DUSP12: variants seen among roughly 807,000 people sequenced by gnomAD.
DUSP12 encodes dual specificity phosphatase 12, also known as dual specificity protein phosphatase 12.
A neutral mutation model predicts 38.9 loss-of-function variants in DUSP12; 25 were observed. The ratio of observed to expected loss-of-function variants is 0.64; its 90% CI spans 0.47 to 0.90. DUSP12 has a LOEUF of 0.90. DUSP12 is among the 40% of genes least tolerant of loss of function. The pLI is 0.00. For missense variants in DUSP12, 403 were observed against 427.0 expected, an observed-to-expected ratio of 0.94 and a Z score of 0.50; for synonymous variants, 153 against 153.9, an observed-to-expected ratio of 0.99 and a Z score of 0.05.
Position 161,757,000 on chromosome 1 carries a change from T to C in DUSP12, c.*53T>C. On this transcript the variant is annotated 3_prime_UTR_variant, in exon 6 of 6. Coordinates refer to ENST00000367943, the MANE Select transcript of DUSP12 (RefSeq NM_007240.3). ...ACTTGCAGATGATATGTGCTGCCTT[T>C]GCTTCTTATCATTCATGGCAGATTG... 1 of 1,521,670 alleles carries C rather than the reference T, an allele frequency of 6.6e-7. No homozygotes were observed. The highest frequency in any genetic ancestry group is 8.9e-7 in the Non-Finnish European group (1 of 1,117,936). 94.3% of individuals were successfully genotyped at this position (1,521,670 alleles called of 1,614,324 possible). A position where few individuals can be genotyped will look rare whatever the true frequency, so the allele number is the denominator to read the frequency against.
intron 4 of DUSP12, among the ~76,000 whole-genome samples, chr1:161,752,691 A>C (rs1178143944): frequency 6.6e-6 from 1 of 152,178 alleles, no homozygotes; most frequent in Non-Finnish European, 1.5e-5. Flanking sequence ...TTGTTCTCTA[A>C]GCAATATTGC....
chr1:161,751,493 A>C, intron 1 of DUSP12, 175 bp from the exon 2 acceptor site: 2 of 756,954 alleles, frequency 2.6e-6, no homozygotes, highest in East Asian at 5.7e-5. Flanking sequence ...CAGAATTCAA[A>C]AGGAAAAAGG....
rs200779417 is a variant in DUSP12 at position 161,753,226 on chromosome 1, A to G, written c.826A>G (p.Met276Val). ...TTATTTCATTGAACCTGTACAGTGG[A>G]TGGAATCTGCTTTGTTGGGAGTGAT... ...TSYFIEPVQW[M>V]ESALLGVMDG... The change falls in exon 5 of 6, where the codon ATG (methionine) becomes GTG (valine). Residue 276 changes from methionine to valine, a missense_variant. Transcript: ENST00000367943. The G allele has an allele frequency of 1.2e-6, 2 of 1,609,530 alleles. No individual in the cohort carries two copies. Among genetic ancestry groups the G allele is most frequent in the East Asian group, 4.5e-5 (2 of 44,682 alleles).
rs1684024726 is a variant in DUSP12, at chr1:161,751,849, T to A, written c.459-17T>A. The A allele has an allele frequency of 6.2e-7, 1 of 1,603,822 alleles. No homozygotes were observed. The highest frequency in any genetic ancestry group is 1.7e-5 in the Admixed American group (1 of 58,228). On this transcript the variant is annotated splice_polypyrimidine_tract_variant and intron_variant, in intron 2 of 5. Coordinates refer to ENST00000367943, the MANE Select transcript of DUSP12 (RefSeq NM_007240.3). ...AATTTTAAGAAAATGAAACTTTATA[T>A]TTCTTTATCATTACAGGATGAATGA...
rs527719834 is a variant in DUSP12, at chr1:161,752,737, C to G, written c.674+273C>G. Among the ~76,000 whole-genome samples the G allele has an allele frequency of 2.4e-3, 372 of 152,218 alleles. 1 individual carries two copies. The highest frequency in any genetic ancestry group is 8.8e-3 in the African/African-American group (365 of 41,536). On this transcript the variant is annotated intron_variant, in intron 4 of 5. Coordinates refer to ENST00000367943, the MANE Select transcript of DUSP12 (RefSeq NM_007240.3). ...GGGCGCAGTGGCTCACGCCTGTAAC[C>G]CCAGCACTTTGGGAGGCCGAGGCAG...
Position 161,756,681 on chromosome 1 carries a change from C to T in DUSP12, c.862-105C>T, listed in dbSNP as rs954611536. 1.0e-4 allele frequency: 130 copies of T among 1,292,458 alleles called. 1 individual carries two copies. Among genetic ancestry groups the T allele is most frequent in the East Asian group, 4.7e-5 (2 of 42,654 alleles). 80.1% of individuals were successfully genotyped at this position (1,292,458 alleles called of 1,614,324 possible). On this transcript the variant is annotated intron_variant, in intron 5 of 5. Transcript: ENST00000367943. ...CTCACTGATTAGATTATAAACTCAACGTGGGGATCGTGTCTTGTTTTTATA... is the reference window on the plus strand; with the variant it reads ...CTCACTGATTAGATTATAAACTCAATGTGGGGATCGTGTCTTGTTTTTATA...
chr1:161,749,923 C>T lies in DUSP12; in HGVS notation c.122C>T (p.Ala41Val). 1 of 1,613,762 alleles carries T rather than the reference C, an allele frequency of 6.2e-7. No individual in the cohort carries two copies. The highest frequency in any genetic ancestry group is 8.5e-7 in the Non-Finnish European group (1 of 1,179,826). Residue 41 changes from alanine (A) to valine (V), a missense_variant, in exon 1 of 6, where the codon GCC (alanine) becomes GTC (valine). Coordinates refer to ENST00000367943, the MANE Select transcript of DUSP12 (RefSeq NM_007240.3). The stretch of plus-strand genomic sequence containing the variant: ...GGATTGTATTTCGGTGGGGCCGCGG[C>T]CGTCGCGGAGCCAGATCACCTGAGG... ...QPGLYFGGAAAVAEPDHLREA... is the reference protein window; with the variant it reads ...QPGLYFGGAAVVAEPDHLREA...
At position 161,750,044 on chromosome 1, in the gene DUSP12, A is replaced by C; in HGVS notation, c.243A>C (p.Pro81=). ...AGGATCTATGGCGCCTCTTCGTGCC[A>C]GCGCTGGACAAACCCGAGACGGACC... ...GVEDLWRLFV[P]ALDKPETDLL... Residue 81 remains proline (P), a synonymous_variant, in exon 1 of 6, where the codon CCA becomes CCC. Transcript: ENST00000367943. 2 of 1,613,968 alleles carry C rather than the reference A, an allele frequency of 1.2e-6. No individual in the cohort carries two copies. The highest frequency in any genetic ancestry group is 1.7e-6 in the Non-Finnish European group (2 of 1,179,960).
chr1:161,752,110 A>G (rs982450192), intron 3 of DUSP12, 126 bp downstream of exon 3: 4 of 780,222 alleles, frequency 5.1e-6, no homozygotes, highest in Non-Finnish European at 8.4e-6. Flanking sequence ...ATTTAGCCAG[A>G]AATAACCTAT....
rs982305473 is a variant in DUSP12, at chr1:161,752,209, C to G, written c.578-159C>G. Among the ~76,000 whole-genome samples, 3 of 151,872 alleles carry G rather than the reference C, an allele frequency of 2.0e-5. 1 individual carries two copies. The South Asian group carries it at 6.2e-4, about 32-fold the overall frequency. ...ACCTAAGCACTTAAATCACTGTCCT[C>G]TCCTACCTTAGCCTGATTTCTCAAC... On this transcript the variant is annotated intron_variant, in intron 3 of 5. Coordinates refer to ENST00000367943, the MANE Select transcript of DUSP12 (RefSeq NM_007240.3).
rs1347394547 is a variant in DUSP12, at chr1:161,752,950, A to G, written c.675-125A>G. 5 of 945,498 alleles carry G rather than the reference A, an allele frequency of 5.3e-6. No individual in the cohort carries two copies. In the East Asian group the frequency reaches 1.0e-4, roughly 20 times the overall value. 58.6% of individuals were successfully genotyped at this position (945,498 alleles called of 1,614,324 possible). Reference sequence around the variant, plus strand: ...GGTTGCAGTGAGCCATGATCACGCCACTGCACTCTAGCATGGGCGACAGAG... The same window carrying G: ...GGTTGCAGTGAGCCATGATCACGCCGCTGCACTCTAGCATGGGCGACAGAG... On this transcript the variant is annotated intron_variant, in intron 4 of 5. Coordinates refer to ENST00000367943, the MANE Select transcript of DUSP12 (RefSeq NM_007240.3).
Position 161,753,139 on chromosome 1 carries a change from G to T in DUSP12, c.739G>T (p.Ala247Ser). The change falls in exon 5 of 6, where the codon GCC (alanine) becomes TCC (serine). Residue 247 changes from alanine to serine, a missense_variant. Transcript: ENST00000367943. ...TGAAGGAAGTGGACCTATAGCCTTTGCCCACAAGAGAATGACACCATCTTC... is the reference window on the plus strand; with the variant it reads ...TGAAGGAAGTGGACCTATAGCCTTTTCCCACAAGAGAATGACACCATCTTC... ...HREGSGPIAF[A>S]HKRMTPSSML... 6.2e-7 allele frequency: 1 copy of T among 1,613,944 alleles called. No homozygotes were observed. Among genetic ancestry groups the T allele is most frequent in the Non-Finnish European group, 8.5e-7 (1 of 1,179,924 alleles).
At position 161,757,093 on chromosome 1, in the gene DUSP12, G is replaced by T; in HGVS notation, c.*146G>T. ...TCACTTGATGTAACCTGGAAACTAT[G>T]CTTTACATGGCAATCAAAGCCTTTT... On this transcript the variant is annotated 3_prime_UTR_variant, in exon 6 of 6. Coordinates refer to ENST00000367943, the MANE Select transcript of DUSP12 (RefSeq NM_007240.3). 3 of 701,892 alleles carry T rather than the reference G, an allele frequency of 4.3e-6. No individual in the cohort carries two copies. The highest frequency in any genetic ancestry group is 2.8e-5 in the East Asian group (1 of 35,594). 43.5% of individuals were successfully genotyped at this position (701,892 alleles called of 1,614,324 possible).
chr1:161,752,714 G>A (rs12025039), intron 4 of DUSP12, among the ~76,000 whole-genome samples: 12,302 of 152,232 alleles, frequency 0.081, 973 homozygotes, highest in Admixed American at 0.25. Flanking sequence ...ATTTTGCTGG[G>A]CGCAGTGGCT....
chr1:161,757,059 A>C lies in DUSP12; in HGVS notation c.*112A>C. 9.3e-7 allele frequency: 1 copy of C among 1,073,058 alleles called. No individual in the cohort carries two copies. The highest frequency in any genetic ancestry group is 1.3e-6 in the Non-Finnish European group (1 of 763,568). 66.5% of individuals were successfully genotyped at this position (1,073,058 alleles called of 1,614,324 possible). On this transcript the variant is annotated 3_prime_UTR_variant, in exon 6 of 6. Transcript: ENST00000367943. ...TTCAACATTTCATTTGAAATGGGAG[A>C]AGATAAAATCACTTGATGTAACCTG...
chr1:161,756,898 A>G lies in DUSP12; in HGVS notation c.974A>G (p.Asp325Gly). 1 of 1,613,084 alleles carries G rather than the reference A, an allele frequency of 6.2e-7. No homozygotes were observed. Among genetic ancestry groups the G allele is most frequent in the Non-Finnish European group, 8.5e-7 (1 of 1,179,266 alleles). ...PAFQIHKNRV[D>G]EMKILPVLGS... Reference sequence around the variant, plus strand: ...TTTCAAATACATAAGAATAGAGTGGATGAAATGAAAATATTGCCTGTTTTG... The same window carrying G: ...TTTCAAATACATAAGAATAGAGTGGGTGAAATGAAAATATTGCCTGTTTTG... Residue 325 changes from aspartate (D) to glycine (G), a missense_variant, in exon 6 of 6, where the codon GAT becomes GGT. Transcript: ENST00000367943.
chr1:161,756,786 C>G lies in DUSP12; in HGVS notation c.862C>G (p.Leu288Val). 6.2e-7 allele frequency: 1 copy of G among 1,609,490 alleles called. No individual in the cohort carries two copies. Among genetic ancestry groups the G allele is most frequent in the Non-Finnish European group, 8.5e-7 (1 of 1,177,640 alleles). ...SALLGVMDGQ[L>V]LCPKCSAKLG... Reference sequence around the variant, plus strand: ...AAGTAACACATTTGCTTTATTTCAGCTTCTTTGCCCAAAATGCAGTGCCAA... The same window carrying G: ...AAGTAACACATTTGCTTTATTTCAGGTTCTTTGCCCAAAATGCAGTGCCAA... The change falls in exon 6 of 6, where the codon CTT becomes GTT. Residue 288 changes from leucine (L) to valine (V), a missense_variant and splice_region_variant. Coordinates refer to ENST00000367943, the MANE Select transcript of DUSP12 (RefSeq NM_007240.3).
At chr1:161,756,229 T>C (rs17406901) in intron 5 of DUSP12, among the ~76,000 whole-genome samples, 5,302 of 152,226 alleles carry the variant, frequency 0.035, 119 homozygotes, top group Non-Finnish European at 0.056. Flanking sequence ...ATACCATGCA[T>C]AAATCAAAGA....
rs748264213 is a variant in DUSP12, at chr1:161,749,905, A to G, written c.104A>G (p.Tyr35Cys). The G allele has an allele frequency of 8.1e-6, 13 of 1,613,540 alleles. No individual in the cohort carries two copies. The South Asian group carries it at 1.3e-4, about 16-fold the overall frequency. The stretch of plus-strand genomic sequence containing the variant: ...ATGCTGGAAGTGCAGCCAGGATTGT[A>G]TTTCGGTGGGGCCGCGGCCGTCGCG... ...GQMLEVQPGL[Y>C]FGGAAAVAEP... Residue 35 changes from tyrosine to cysteine, a missense_variant, in exon 1 of 6, where the codon TAT becomes TGT. Physicochemically the swap from Tyr to Cys is radical, Grantham distance 194. Transcript: ENST00000367943.
Sources: gnomAD v4.1 joint callset for allele counts (sites outside exome capture counted in the v4.1 genomes callset) on GRCh38, gnomAD v4.1.1 for gene constraint, MANE v1.5 for transcripts, NCBI Gene and HGNC (gene_info 2026-07-23, HGNC 2026-07-21) for gene names.